Variants in ABTB3 observed in about 807,000 individuals in gnomAD.
The protein encoded by ABTB3 is ankyrin repeat and BTB domain containing 3, also known as ankyrin repeat- and BTB/POZ domain-containing protein 3.
chr12:107,485,289 C>A, the ABTB3 span, among the ~76,000 whole-genome samples: 3 of 152,014 alleles, frequency 2.0e-5, no homozygotes, highest in East Asian at 1.9e-4. Flanking sequence ...AATTGTTAAC[C>A]AGTGAAAGTT....
At chr12:107,356,027 G>C in the ABTB3 span, among the ~76,000 whole-genome samples, 1 of 152,204 alleles carries the variant, frequency 6.6e-6, no homozygotes, top group African/African-American at 2.4e-5. Context: ...GTAGCACAGA[G>C]GGTTTGATGT....
chr12:107,585,295 G>T, the ABTB3 span, among the ~76,000 whole-genome samples: 1 of 152,216 alleles, frequency 6.6e-6, no homozygotes, highest in Non-Finnish European at 1.5e-5. Context: ...AAGTGTTTCT[G>T]TAGTGTGAAC....
chr12:107,445,367 A>C, the ABTB3 span, among the ~76,000 whole-genome samples: 1 of 152,250 alleles, frequency 6.6e-6, no homozygotes, highest in South Asian at 2.1e-4. Context: ...GGCACACCAC[A>C]TGAGCCACTG....
At chr12:107,320,136 T>G in the ABTB3 span, 1 of 1,363,746 alleles carries the variant, frequency 7.3e-7, no homozygotes, top group African/African-American at 1.5e-5. Flanking sequence ...TGGCGCAAGT[T>G]TGCCTCGCGT....
At chr12:107,605,931 G>A in the ABTB3 span, among the ~76,000 whole-genome samples, 4 of 152,200 alleles carry the variant, frequency 2.6e-5, no homozygotes, top group Non-Finnish European at 5.9e-5. Flanking sequence ...GTGGACAGTG[G>A]TGCTGTTTAC....
At chr12:107,616,317 G>A in the ABTB3 span, among the ~76,000 whole-genome samples, 1 of 152,198 alleles carries the variant, frequency 6.6e-6, no homozygotes, top group East Asian at 1.9e-4. Flanking sequence ...TGCCAAGTAG[G>A]TGGCTCCCCC....
the ABTB3 span, among the ~76,000 whole-genome samples, chr12:107,427,580 T>C: frequency 6.6e-6 from 1 of 152,214 alleles, no homozygotes; most frequent in East Asian, 1.9e-4. Flanking sequence ...TGTGATTACC[T>C]TGGGCCTACT....
the ABTB3 span, among the ~76,000 whole-genome samples, chr12:107,599,452 T>C: frequency 9.9e-5 from 15 of 152,222 alleles, no homozygotes; most frequent in African/African-American, 3.4e-4. Context: ...TGCCCTTCAG[T>C]GGTGTCCTGA....
the ABTB3 span, among the ~76,000 whole-genome samples, chr12:107,341,844 G>A: frequency 6.6e-6 from 1 of 152,096 alleles, no homozygotes; most frequent in Non-Finnish European, 1.5e-5. Flanking sequence ...TTAAAAGGGT[G>A]TGGCACCTCC....
At chr12:107,611,328 G>T in the ABTB3 span, among the ~76,000 whole-genome samples, 1 of 152,056 alleles carries the variant, frequency 6.6e-6, no homozygotes, top group Non-Finnish European at 1.5e-5. Context: ...CTACAGGTGT[G>T]CACCACCACA....
the ABTB3 span, among the ~76,000 whole-genome samples, chr12:107,384,067 GTC>G: frequency 5.8e-4 from 88 of 152,336 alleles, no homozygotes; most frequent in Middle Eastern, 3.4e-3. Context: ...CACACCTGCA[GTC>G]TCTATGGGAG....
chr12:107,657,029 C>T, the ABTB3 span, among the ~76,000 whole-genome samples: 26 of 151,000 alleles, frequency 1.7e-4, 1 homozygote, highest in East Asian at 2.2e-3. Context: ...GGCAACAGAG[C>T]GAAACCCTGT....
chr12:107,331,785 G>A, the ABTB3 span, among the ~76,000 whole-genome samples: 624 of 152,248 alleles, frequency 4.1e-3, 1 homozygote, highest in Non-Finnish European at 7.3e-3. Context: ...CCCCACCCTC[G>A]TCCTGCTCCT....
At chr12:107,332,734 G>T in the ABTB3 span, among the ~76,000 whole-genome samples, 1 of 152,196 alleles carries the variant, frequency 6.6e-6, no homozygotes, top group African/African-American at 2.4e-5. Flanking sequence ...GTACACATGA[G>T]GGGAGGAGGG....
chr12:107,390,930 C>T, the ABTB3 span, among the ~76,000 whole-genome samples: 1 of 152,278 alleles, frequency 6.6e-6, no homozygotes, highest in South Asian at 2.1e-4. Context: ...GTGGGTGGAT[C>T]ACCTGAGGTC....
At chr12:107,533,416 G>A in the ABTB3 span, among the ~76,000 whole-genome samples, 2 of 152,122 alleles carry the variant, frequency 1.3e-5, no homozygotes, top group South Asian at 4.2e-4. Flanking sequence ...GACTGAAAGT[G>A]AAGGAATGGA....
chr12:107,406,099 T>G, the ABTB3 span, among the ~76,000 whole-genome samples: 1 of 152,212 alleles, frequency 6.6e-6, no homozygotes, highest in Non-Finnish European at 1.5e-5. Flanking sequence ...TTAACCTGCC[T>G]GGGTATCACT....
At chr12:107,509,565 G>A in the ABTB3 span, among the ~76,000 whole-genome samples, 1 of 152,212 alleles carries the variant, frequency 6.6e-6, no homozygotes, top group African/African-American at 2.4e-5. Context: ...AGAAACAGCA[G>A]CTCATAGCAG....
At chr12:107,601,909 T>C in the ABTB3 span, among the ~76,000 whole-genome samples, 2 of 152,268 alleles carry the variant, frequency 1.3e-5, no homozygotes, top group Admixed American at 6.5e-5. Context: ...AAAATGAAAT[T>C]AAAGCTGTGC....
Sources: allele counts gnomAD v4.1 joint callset (sites outside exome capture counted in the v4.1 genomes callset), GRCh38; gene constraint gnomAD v4.1.1; transcripts MANE v1.5; gene names NCBI Gene and HGNC (gene_info 2026-07-23, HGNC 2026-07-21).